Variants in BCL11A observed in about 807,000 individuals in gnomAD.
The protein encoded by BCL11A is BCL11 transcription factor A.
In BCL11A, 2 loss-of-function variants were observed where a neutral mutation model predicts 55.9. The observed-to-expected ratio is 0.04, with a 90% confidence interval of 0.01 to 0.11. The LOEUF is 0.11. BCL11A is among the 10% of genes least tolerant of loss of function. The pLI, the probability that BCL11A is intolerant of heterozygous loss-of-function variation, is 1.00. For missense variants in BCL11A, 817 were observed against 1,137.1 expected (o/e 0.72, Z 4.05); for synonymous variants, 465 against 473.4 (o/e 0.98, Z 0.23).
At chr2:60,506,339 C>A (rs1445756876) in intron 2 of BCL11A, among the ~76,000 whole-genome samples, 1 of 152,258 alleles carries the variant, frequency 6.6e-6, no homozygotes, top group East Asian at 1.9e-4. Context: ...CATCTAATGC[C>A]ACCAGGCCCT....
intron 2 of BCL11A, chr2:60,478,351 C>G (rs1481282316): frequency 6.6e-6 from 1 of 152,366 alleles, no homozygotes; most frequent in Non-Finnish European, 1.5e-5. Flanking sequence ...ACCCTGCCCA[C>G]CTTCTGACAA....
At chr2:60,483,547 G>A (rs929539515) in intron 2 of BCL11A, among the ~76,000 whole-genome samples, 2 of 152,210 alleles carry the variant, frequency 1.3e-5, no homozygotes, top group Non-Finnish European at 2.9e-5. Flanking sequence ...TGTTTTGATT[G>A]TAATATTTAA....
At chr2:60,471,804 A>G (rs1006579025) in intron 2 of BCL11A, among the ~76,000 whole-genome samples, 1 of 152,148 alleles carries the variant, frequency 6.6e-6, no homozygotes, top group Non-Finnish European at 1.5e-5. Context: ...CCCACCCCCG[A>G]TCAGCATCAC....
chr2:60,471,275 C>A (rs943952162), intron 2 of BCL11A, among the ~76,000 whole-genome samples: 1 of 152,240 alleles, frequency 6.6e-6, no homozygotes, highest in Non-Finnish European at 1.5e-5. Context: ...ACATTTCTAT[C>A]AGCCTAAGAA....
chr2:60,535,631 T>C (rs1310481967), intron 2 of BCL11A: 1 of 152,294 alleles, frequency 6.6e-6, no homozygotes, highest in Non-Finnish European at 1.5e-5. Flanking sequence ...TGGCATTAAT[T>C]TTAGAAGTTT....
chr2:60,467,923 G>A (rs1676923347), intron 3 of BCL11A, among the ~76,000 whole-genome samples: 1 of 133,646 alleles, frequency 7.5e-6, no homozygotes, highest in Non-Finnish European at 1.7e-5. Flanking sequence ...TGGTGGTGGT[G>A]GTGGTAGTGA....
At position 60,461,522 on chromosome 2, in the gene BCL11A, T is replaced by G; in HGVS notation, c.1390A>C (p.Lys464Gln). 6 of 1,607,970 alleles carry G rather than the reference T, an allele frequency of 3.7e-6. No homozygotes were observed. ...CTCTTGAACTTGGCCACCACGGACT[T>G]GAGCGCGCTGCTGGCGCTGCCCACC... is the stretch of plus-strand genomic sequence containing the variant. The part of the protein sequence containing the change: ...DLVGSASSAL[K>Q]SVVAKFKSEN... The change falls in exon 4 of 4, where the codon AAG (lysine) becomes CAG (glutamine). Residue 464 changes from lysine to glutamine, a missense_variant. This residue lies in a region of BCL11A where 379 missense variants were observed against 425.3 expected (regional missense o/e 0.89). Coordinates refer to ENST00000642384, the MANE Select transcript of BCL11A (RefSeq NM_022893.4).
downstream of BCL11A, among the ~76,000 whole-genome samples, chr2:60,455,173 A>G (rs772485863): frequency 6.6e-6 from 1 of 152,238 alleles, no homozygotes; most frequent in Non-Finnish European, 1.5e-5. Context: ...TGAAGATTAA[A>G]AAGAACATTT....
At chr2:60,487,649 T>C (rs1326121150) in intron 2 of BCL11A, among the ~76,000 whole-genome samples, 2 of 152,234 alleles carry the variant, frequency 1.3e-5, no homozygotes, top group East Asian at 3.8e-4. Context: ...CCCTATTCTC[T>C]GGCAACCACA....
intron 2 of BCL11A, among the ~76,000 whole-genome samples, chr2:60,515,096 A>G (rs1450459525): frequency 1.3e-5 from 2 of 152,116 alleles, no homozygotes; most frequent in Admixed American, 1.3e-4. Context: ...CCCAGACCTA[A>G]GGATCCTCCC....
chr2:60,506,290 A>G (rs1460248222), intron 2 of BCL11A, among the ~76,000 whole-genome samples: 1 of 152,242 alleles, frequency 6.6e-6, no homozygotes, highest in South Asian at 2.1e-4. Context: ...CATCAGAGGA[A>G]GAGTCACCTT....
intron 2 of BCL11A, among the ~76,000 whole-genome samples, chr2:60,498,124 A>T (rs1372132717): frequency 4.0e-5 from 6 of 151,694 alleles, no homozygotes; most frequent in Non-Finnish European, 8.8e-5. Context: ...GTCTGGGAGA[A>T]TGGAGGTGTG....
At chr2:60,483,579 A>C (rs1034379211) in intron 2 of BCL11A, among the ~76,000 whole-genome samples, 2 of 152,246 alleles carry the variant, frequency 1.3e-5, no homozygotes, top group Non-Finnish European at 2.9e-5. Flanking sequence ...GTGTTCAACA[A>C]CTCAGACCCT....
At chr2:60,540,404 GATTAA>G (rs911265639) in intron 2 of BCL11A, among the ~76,000 whole-genome samples, 32 of 152,168 alleles carry the variant, frequency 2.1e-4, no homozygotes, top group Non-Finnish European at 8.8e-5. Context: ...AACCAAAGTA[GATTAA>G]ATTAACATCC....
intron 2 of BCL11A, among the ~76,000 whole-genome samples, chr2:60,540,949 T>C (rs1206687314): frequency 2.9e-5 from 1 of 34,336 alleles, no homozygotes; most frequent in Non-Finnish European, 7.2e-5. Context: ...ACTGGTTTTG[T>C]GTGTGTGTGT....
intron 2 of BCL11A, among the ~76,000 whole-genome samples, chr2:60,493,092 C>T (rs1678740008): frequency 6.6e-6 from 1 of 152,192 alleles, no homozygotes; most frequent in Admixed American, 6.5e-5. Flanking sequence ...AGGATATCGT[C>T]TTTTGTGTTT....
At chr2:60,531,754 G>C (rs554408349) in intron 2 of BCL11A, among the ~76,000 whole-genome samples, 1 of 152,152 alleles carries the variant, frequency 6.6e-6, no homozygotes, top group Non-Finnish European at 1.5e-5. Flanking sequence ...GGTCCATAAC[G>C]TCTTATTCAG....
intron 2 of BCL11A, among the ~76,000 whole-genome samples, chr2:60,506,602 A>T (rs1679609230): frequency 6.6e-6 from 1 of 151,264 alleles, no homozygotes; most frequent in Admixed American, 6.6e-5. Flanking sequence ...GCCTTTGTGC[A>T]TGGCTGCTTA....
intron 2 of BCL11A, among the ~76,000 whole-genome samples, chr2:60,469,899 C>T (rs368517102): frequency 1.3e-5 from 2 of 151,980 alleles, no homozygotes; most frequent in African/African-American, 4.8e-5. Context: ...TTGGGGAGGG[C>T]GGGAGACAAG....
Sources: allele counts gnomAD v4.1 joint callset (sites outside exome capture counted in the v4.1 genomes callset), GRCh38; gene constraint gnomAD v4.1.1; regional missense constraint gnomAD v4.1.1; transcripts MANE v1.5; gene names NCBI Gene and HGNC (gene_info 2026-07-23, HGNC 2026-07-21).